The following KLHL4 variants were observed in gnomAD, a reference collection of about 807,000 sequenced individuals.
KLHL4 encodes kelch like family member 4.
A neutral mutation model predicts 45.8 loss-of-function variants in KLHL4; 17 were observed. That is an observed-to-expected ratio of 0.37 (90% CI 0.25 to 0.56). The LOEUF (loss-of-function observed/expected upper bound fraction) is 0.56, where lower values mean the gene tolerates loss of function less well. Among genes scored for constraint, KLHL4 ranks in the 20% least tolerant of loss-of-function variants. KLHL4 has a pLI of 0.79. For synonymous variants in KLHL4, 224 were observed against 189.9 expected (o/e 1.18, Z -1.47); for missense variants, 544 against 544.9 (o/e 1.00, Z 0.02).
At chrX:87,526,133 C>T (rs1418391322) in intron 1 of KLHL4, among the ~76,000 whole-genome samples, 1 of 111,903 alleles carries the variant, frequency 8.9e-6, no homozygotes, top group Non-Finnish European at 1.9e-5. Flanking sequence ...ACTTAGGTGT[C>T]CTTTTCTGGT....
chrX:87,645,584 A>T (rs1923601745), intron 9 of KLHL4, among the ~76,000 whole-genome samples: 1 of 111,882 alleles, frequency 8.9e-6, no homozygotes, highest in Admixed American at 9.5e-5. Context: ...TATTATTCAT[A>T]AAAGATACTT....
intron 9 of KLHL4, among the ~76,000 whole-genome samples, chrX:87,661,355 G>A: frequency 9.0e-6 from 1 of 111,269 alleles, no homozygotes; most frequent in South Asian, 3.7e-4. Context: ...AAAAAAGGAT[G>A]TGGAATATAC....
chrX:87,520,336 G>T (rs939288981), intron 1 of KLHL4, among the ~76,000 whole-genome samples: 1 of 112,158 alleles, frequency 8.9e-6, no homozygotes, highest in Non-Finnish European at 1.9e-5. Flanking sequence ...TATGACTCCA[G>T]TGGTTTTTTA....
At chrX:87,543,308 G>A (rs1931603542) in intron 1 of KLHL4, among the ~76,000 whole-genome samples, 2 of 111,377 alleles carry the variant, frequency 1.8e-5, no homozygotes, top group Non-Finnish European at 3.8e-5. Context: ...GCAAGATGGT[G>A]GAATGGAAAG....
At chrX:87,648,805 T>C (rs1239509617) in intron 9 of KLHL4, among the ~76,000 whole-genome samples, 1 of 111,602 alleles carries the variant, frequency 9.0e-6, no homozygotes, top group African/African-American at 3.3e-5. Flanking sequence ...GAATGCCTTT[T>C]CTAAAATCAG....
rs1301576744 is a variant in KLHL4 at position 87,615,412 on chromosome X, A to G, written c.727+842A>G. On this transcript the variant is annotated intron_variant, in intron 3 of 10. Transcript: ENST00000373119. ...TACCAACAACAATTCATTTAAAAAT[A>G]TATCTGTATGACAGTCCCTCAAAAG... Among the ~76,000 whole-genome samples, 6 of 111,433 alleles carry G rather than the reference A, an allele frequency of 5.4e-5. No individual in the cohort carries two copies. The Admixed American group carries it at 5.8e-4, about 11-fold the overall frequency.
intron 1 of KLHL4, among the ~76,000 whole-genome samples, chrX:87,574,863 T>A (rs1921045805): frequency 8.9e-6 from 1 of 111,945 alleles, no homozygotes; most frequent in Admixed American, 9.5e-5. Context: ...CGAAATAACA[T>A]GTGTGCCACT....
intron 1 of KLHL4, among the ~76,000 whole-genome samples, chrX:87,606,967 A>C (rs1922219090): frequency 8.9e-6 from 1 of 112,153 alleles, no homozygotes; most frequent in Admixed American, 9.5e-5. Flanking sequence ...CTATTGGCTT[A>C]GTTGGCAAAT....
intron 1 of KLHL4, among the ~76,000 whole-genome samples, chrX:87,581,593 T>G (rs2147795135): frequency 8.9e-6 from 1 of 112,059 alleles, no homozygotes; most frequent in Admixed American, 9.4e-5. Flanking sequence ...GTGACTAAAA[T>G]ATAGAGCAGA....
At chrX:87,561,327 C>A (rs982112400) in intron 1 of KLHL4, among the ~76,000 whole-genome samples, 1 of 110,714 alleles carries the variant, frequency 9.0e-6, no homozygotes, top group African/African-American at 3.3e-5. Context: ...CCCCATTGCC[C>A]ACGGTGCCAC....
chrX:87,650,605 T>G (rs972132732), intron 9 of KLHL4, among the ~76,000 whole-genome samples: 1 of 112,436 alleles, frequency 8.9e-6, no homozygotes, highest in Non-Finnish European at 1.9e-5. Flanking sequence ...TACTTTACAT[T>G]AAGTATGATA....
intron 8 of KLHL4, among the ~76,000 whole-genome samples, chrX:87,635,030 T>C (rs1211358695): frequency 5.4e-5 from 6 of 112,070 alleles, no homozygotes; most frequent in Non-Finnish European, 9.4e-5. Flanking sequence ...AGAAATGTCA[T>C]AGCCAATATC....
intron 1 of KLHL4, among the ~76,000 whole-genome samples, chrX:87,541,357 C>A (rs1242798643): frequency 9.3e-6 from 1 of 107,204 alleles, no homozygotes; most frequent in Non-Finnish European, 1.9e-5. Context: ...TGGTGGTGCA[C>A]ACCTGTAGTC....
intron 3 of KLHL4, among the ~76,000 whole-genome samples, chrX:87,615,087 A>G (rs1922513047): frequency 9.0e-6 from 1 of 111,472 alleles, no homozygotes; most frequent in Non-Finnish European, 1.9e-5. Context: ...GTCTCTTAGT[A>G]TTAAAATATT....
intron 4 of KLHL4, among the ~76,000 whole-genome samples, chrX:87,619,098 G>A (rs2294964): frequency 0.37 from 41,026 of 109,908 alleles, 5,970 homozygotes; most frequent in Middle Eastern, 0.47. Flanking sequence ...GGACACAAGA[G>A]ATGGATCATT....
intron 1 of KLHL4, among the ~76,000 whole-genome samples, chrX:87,568,678 T>C (rs771785276): frequency 1.7e-4 from 19 of 111,063 alleles, no homozygotes; most frequent in Non-Finnish European, 3.4e-4. Flanking sequence ...AAAAGAAGCT[T>C]CAGAACTAAA....
At chrX:87,562,249 A>C (rs1276435999) in intron 1 of KLHL4, among the ~76,000 whole-genome samples, 1 of 110,679 alleles carries the variant, frequency 9.0e-6, no homozygotes, top group Non-Finnish European at 1.9e-5. Flanking sequence ...AAGAGTAAAA[A>C]GGACTTTGGC....
chrX:87,602,256 T>G (rs2147806490), intron 1 of KLHL4, among the ~76,000 whole-genome samples: 1 of 111,222 alleles, frequency 9.0e-6, no homozygotes, highest in African/African-American at 3.3e-5. Context: ...AAGTCTAATT[T>G]ATTATTAAAG....
intron 1 of KLHL4, among the ~76,000 whole-genome samples, chrX:87,575,132 T>C (rs1261231564): frequency 8.9e-6 from 1 of 111,999 alleles, no homozygotes; most frequent in Non-Finnish European, 1.9e-5. Flanking sequence ...ATACAATCTT[T>C]AGCTTCTTTA....
Sources: allele counts gnomAD v4.1 joint callset (sites outside exome capture counted in the v4.1 genomes callset), GRCh38; gene constraint gnomAD v4.1.1; transcripts MANE v1.5; gene names NCBI Gene and HGNC (gene_info 2026-07-23, HGNC 2026-07-21).